ARHGAP6: variants seen among roughly 807,000 people sequenced by gnomAD.
ARHGAP6 encodes the protein rho GTPase-activating protein 6.
ARHGAP6 carries 16 observed loss-of-function variants against 55.7 expected under a neutral mutation model. The observed-to-expected ratio is 0.29, with a 90% CI of 0.19 to 0.44. ARHGAP6 has a LOEUF of 0.44. Ranked by LOEUF, ARHGAP6 falls within the 20% of genes least tolerant of loss-of-function variation. The pLI, the probability that ARHGAP6 is intolerant of heterozygous loss-of-function variation, is 1.00. For missense variants in ARHGAP6, 698 were observed against 808.9 expected, an observed-to-expected ratio of 0.86 and a Z score of 1.66; for synonymous variants, 382 against 360.9, an observed-to-expected ratio of 1.06 and a Z score of -0.66.
At chrX:11,412,358 G>T (rs895782955) in intron 1 of ARHGAP6, among the ~76,000 whole-genome samples, 2 of 111,667 alleles carry the variant, frequency 1.8e-5, no homozygotes, top group Admixed American at 9.5e-5. Context: ...AACACATATT[G>T]TTCATTTTAT....
At chrX:11,399,844 T>G (rs2049525838) in intron 1 of ARHGAP6, among the ~76,000 whole-genome samples, 1 of 112,163 alleles carries the variant, frequency 8.9e-6, no homozygotes, top group Non-Finnish European at 1.9e-5. Flanking sequence ...CATCAGCTGA[T>G]GAATGAATAA....
At chrX:11,563,041 A>G (rs1215718286) in intron 1 of ARHGAP6, among the ~76,000 whole-genome samples, 1 of 111,976 alleles carries the variant, frequency 8.9e-6, no homozygotes, top group Non-Finnish European at 1.9e-5. Context: ...ACAATAAATA[A>G]AAGTTTTTTT....
intron 8 of ARHGAP6, among the ~76,000 whole-genome samples, chrX:11,171,903 G>T (rs912075924): frequency 8.9e-6 from 1 of 112,011 alleles, no homozygotes; most frequent in African/African-American, 3.2e-5. Context: ...CAGGTCCCCT[G>T]TGGGGTAAAA....
At chrX:11,444,120 G>A (rs781558996) in intron 1 of ARHGAP6, among the ~76,000 whole-genome samples, 20 of 111,529 alleles carry the variant, frequency 1.8e-4, no homozygotes, top group Non-Finnish European at 3.2e-4. Flanking sequence ...CCCTATAAAG[G>A]GCCAGAGAGA....
chrX:11,243,336 A>G (rs1229579362), intron 2 of ARHGAP6, among the ~76,000 whole-genome samples: 2 of 111,606 alleles, frequency 1.8e-5, no homozygotes, highest in African/African-American at 6.5e-5. Context: ...CGGGAAATGA[A>G]CCCTTAGTTC....
At chrX:11,554,194 G>A (rs761252453) in intron 1 of ARHGAP6, among the ~76,000 whole-genome samples, 5 of 111,715 alleles carry the variant, frequency 4.5e-5, no homozygotes, top group Admixed American at 2.8e-4. Flanking sequence ...TGCCACGCAC[G>A]GAAAGAGAAA....
At position 11,612,348 on chromosome X, in the gene ARHGAP6, A is replaced by G. The variant is rs149226004; in HGVS notation, c.588+51893T>C. On this transcript the variant is annotated intron_variant, in intron 1 of 12. Transcript: ENST00000337414. ...ATCTCAATTCTAAATTTCAGAAGAG[A>G]AAAACCAGGTTGTCATTTGGGTCAG... Among the ~76,000 whole-genome samples, 56 of 112,330 alleles carry G rather than the reference A, an allele frequency of 5.0e-4. No homozygotes were observed. The East Asian group carries it at 0.015, about 30-fold the overall frequency.
At chrX:11,148,588 G>T in intron 10 of ARHGAP6, 1 of 348,605 alleles carries the variant, frequency 2.9e-6, no homozygotes. Context: ...CAGCTAACCA[G>T]ACAAGCAAGG....
intron 2 of ARHGAP6, among the ~76,000 whole-genome samples, chrX:11,238,214 A>G (rs2047229326): frequency 8.9e-6 from 1 of 112,663 alleles, no homozygotes; most frequent in Admixed American, 9.4e-5. Flanking sequence ...AAAAGTGTTT[A>G]CAAATTATGA....
Position 11,139,136 on chromosome X carries a change from G to A in ARHGAP6, c.2652C>T (p.Tyr884=), listed in dbSNP as rs2147261780. Residue 884 remains tyrosine, a synonymous_variant, in exon 13 of 13, where the codon TAC becomes TAT. Transcript: ENST00000337414. Reference sequence around the variant, plus strand: ...CTGCCGCGGGCTTCCCTGGGCCCGGGTATGGAGGCGGGGGCCGCTTGTCAT... The same window carrying A: ...CTGCCGCGGGCTTCCCTGGGCCCGGATATGGAGGCGGGGGCCGCTTGTCAT... The part of the protein sequence containing the change: ...GRDDKRPPPP[Y]PGPGKPAAAA... 8.3e-7 allele frequency: 1 copy of A among 1,205,962 alleles called. No individual in the cohort carries two copies. Among genetic ancestry groups the A allele is most frequent in the South Asian group, 1.8e-5 (1 of 56,578 alleles).
intron 3 of ARHGAP6, 124 bp downstream of exon 3, chrX:11,196,801 C>T: frequency 2.0e-6 from 1 of 492,753 alleles, no homozygotes. Flanking sequence ...TGACATTCCA[C>T]TGTAGAAATC....
intron 10 of ARHGAP6, among the ~76,000 whole-genome samples, chrX:11,147,238 CAT>C (rs751439773): frequency 2.7e-5 from 3 of 111,899 alleles, no homozygotes; most frequent in East Asian, 5.5e-4. Flanking sequence ...CATATGCACA[CAT>C]ATACATATTC....
chrX:11,186,313 T>G lies in ARHGAP6; in HGVS notation c.1196A>C (p.Lys399Thr), dbSNP rs144289365. The change falls in exon 5 of 13, where the codon AAG becomes ACG. Residue 399 changes from lysine (K) to threonine (T), a missense_variant. By Grantham distance (78) the Lys-to-Thr change is moderately conservative. This residue lies in a region of ARHGAP6 where 322 missense variants were observed against 451.1 expected (regional missense o/e 0.71). Coordinates refer to ENST00000337414, the MANE Select transcript of ARHGAP6 (RefSeq NM_013427.3). ...AQSKKEKARD[K>T]KLSLNPIYRQ... ...GTAAATAGGATTCAGACTGAGTTTC[T>G]TATCTCTGGCTTTTTCCTTTTTACT... The G allele has an allele frequency of 2.0e-5, 24 of 1,210,105 alleles. No individual in the cohort carries two copies. The African/African-American group carries it at 3.8e-4, about 19-fold the overall frequency.
intron 1 of ARHGAP6, among the ~76,000 whole-genome samples, chrX:11,487,367 G>A (rs1479242007): frequency 9.0e-6 from 1 of 111,502 alleles, no homozygotes; most frequent in Non-Finnish European, 1.9e-5. Context: ...AGCAAGAAAG[G>A]TACGAGGTGA....
At chrX:11,230,663 ATATG>A (rs2047118093) in intron 2 of ARHGAP6, among the ~76,000 whole-genome samples, 1 of 109,019 alleles carries the variant, frequency 9.2e-6, no homozygotes, top group Admixed American at 9.9e-5. Flanking sequence ...ATATACGTAT[ATATG>A]TGTGTGTGTG....
At chrX:11,564,175 T>G (rs1182605159) in intron 1 of ARHGAP6, among the ~76,000 whole-genome samples, 1 of 112,025 alleles carries the variant, frequency 8.9e-6, no homozygotes, top group East Asian at 2.8e-4. Context: ...ATAATTCAAC[T>G]TCCAATTAAT....
chrX:11,393,154 T>G (rs896441173), intron 1 of ARHGAP6, among the ~76,000 whole-genome samples: 92 of 111,730 alleles, frequency 8.2e-4, no homozygotes, highest in African/African-American at 2.9e-3. Context: ...GAATAATAAG[T>G]GATTTAAGAG....
Position 11,367,212 on chromosome X carries a change from A to T in ARHGAP6, c.589-112505T>A, listed in dbSNP as rs762790536. 1.4e-3 allele frequency among the ~76,000 whole-genome samples: 160 copies of T among 112,301 alleles called. 1 individual carries two copies. The highest frequency in any genetic ancestry group is 4.7e-3 in the African/African-American group (145 of 30,962). On this transcript the variant is annotated intron_variant, in intron 1 of 12. Transcript: ENST00000337414. ...TAGCAGAGAGTTCAGGAGTAGATAG[A>T]TGAGCATGTGAACTAGCTTTGAGTG...
intron 1 of ARHGAP6, among the ~76,000 whole-genome samples, chrX:11,404,716 A>G (rs2049590671): frequency 9.0e-6 from 1 of 111,710 alleles, no homozygotes; most frequent in Non-Finnish European, 1.9e-5. Context: ...CAAAAATATT[A>G]AAAATAAAAA....
Sources: gnomAD v4.1 joint callset for allele counts (sites outside exome capture counted in the v4.1 genomes callset) on GRCh38, gnomAD v4.1.1 for gene constraint, gnomAD v4.1.1 regional missense constraint, MANE v1.5 for transcripts, NCBI Gene and HGNC (gene_info 2026-07-23, HGNC 2026-07-21) for gene names.